Variants in TMEM135 observed in about 807,000 individuals in gnomAD.
The protein encoded by TMEM135 is transmembrane protein 135.
In TMEM135, 30 loss-of-function variants were observed where a neutral mutation model predicts 60.3. The observed-to-expected ratio is 0.50, with a 90% CI of 0.37 to 0.68. TMEM135 has a LOEUF of 0.68. TMEM135 is among the 30% of genes least tolerant of loss of function. TMEM135 has a pLI of 0.00. For missense variants in TMEM135, 468 were observed against 548.8 expected, an observed-to-expected ratio of 0.85 and a Z score of 1.47; for synonymous variants, 190 against 186.7, an observed-to-expected ratio of 1.02 and a Z score of -0.14.
intron 6 of TMEM135, among the ~76,000 whole-genome samples, chr11:87,264,840 G>T (rs140391265): frequency 4.1e-5 from 6 of 147,100 alleles, no homozygotes; most frequent in African/African-American, 1.5e-4. Context: ...ATTTTGTTGA[G>T]AAATAATTGA....
intron 5 of TMEM135, among the ~76,000 whole-genome samples, chr11:87,195,301 CTCTT>C (rs1220735518): frequency 2.7e-5 from 4 of 150,638 alleles, no homozygotes; most frequent in African/African-American, 7.3e-5. Flanking sequence ...AAGTCATTTT[CTCTT>C]TCTTTCTCTT....
At chr11:87,257,501 C>T (rs1269948772) in intron 6 of TMEM135, among the ~76,000 whole-genome samples, 2 of 152,138 alleles carry the variant, frequency 1.3e-5, no homozygotes, top group African/African-American at 4.8e-5. Flanking sequence ...CTCTTTGTGC[C>T]TCACATTTCT....
intron 4 of TMEM135, among the ~76,000 whole-genome samples, chr11:87,143,211 C>A (rs566093361): frequency 8.2e-4 from 125 of 152,132 alleles, no homozygotes; most frequent in African/African-American, 2.9e-3. Context: ...ATTTATCCAT[C>A]TATTAAATAA....
intron 5 of TMEM135, among the ~76,000 whole-genome samples, chr11:87,195,699 T>C (rs772222849): frequency 6.6e-6 from 1 of 152,170 alleles, no homozygotes; most frequent in Non-Finnish European, 1.5e-5. Flanking sequence ...CATGAGCCAC[T>C]GTGCCCAGAC....
intron 5 of TMEM135, among the ~76,000 whole-genome samples, chr11:87,176,687 G>A (rs1222786379): frequency 2.6e-5 from 4 of 152,156 alleles, no homozygotes; most frequent in Non-Finnish European, 4.4e-5. Flanking sequence ...AAGAGTTGAA[G>A]GAATTTGATA....
chr11:87,270,041 C>T (rs1174163388), intron 6 of TMEM135, among the ~76,000 whole-genome samples: 1 of 133,028 alleles, frequency 7.5e-6, no homozygotes, highest in African/African-American at 2.6e-5. Context: ...GCCATTCTAA[C>T]TGGTGTGAGA....
At chr11:87,152,645 G>A (rs1467975822) in intron 4 of TMEM135, among the ~76,000 whole-genome samples, 1 of 151,610 alleles carries the variant, frequency 6.6e-6, no homozygotes, top group African/African-American at 2.4e-5. Flanking sequence ...CGCCATGTCG[G>A]TCAGGCTGGT....
intron 4 of TMEM135, among the ~76,000 whole-genome samples, chr11:87,151,060 G>C (rs958331917): frequency 6.6e-6 from 1 of 151,962 alleles, no homozygotes; most frequent in African/African-American, 2.4e-5. Context: ...CTGTTGAGTA[G>C]TCCCGGGTTG....
At chr11:87,057,975 C>T (rs2135124015) in intron 1 of TMEM135, among the ~76,000 whole-genome samples, 1 of 152,280 alleles carries the variant, frequency 6.6e-6, no homozygotes, top group African/African-American at 2.4e-5. Flanking sequence ...GTGTAAGTTC[C>T]AGTCTGGAAG....
At chr11:87,114,699 A>T (rs1211280507) in intron 4 of TMEM135, among the ~76,000 whole-genome samples, 1 of 152,188 alleles carries the variant, frequency 6.6e-6, no homozygotes, top group Non-Finnish European at 1.5e-5. Flanking sequence ...GGAAAAATGG[A>T]CTACATTATA....
Position 87,327,469 on chromosome 11 carries a change from A to G in TMEM135, c.*6136A>G, listed in dbSNP as rs1319264838. ...TTGAGAAAATAAACCTCTATTTCTTAAAGTTCTGTATCAGTCAGGGTTTCC... is the reference window on the plus strand; with the variant it reads ...TTGAGAAAATAAACCTCTATTTCTTGAAGTTCTGTATCAGTCAGGGTTTCC... On this transcript the variant is annotated 3_prime_UTR_variant, in exon 15 of 15. Transcript: ENST00000305494. The G allele has an allele frequency of 1.5e-5, 7 of 454,002 alleles. No homozygotes were observed. Among genetic ancestry groups the G allele is most frequent in the Admixed American group, 2.4e-5 (1 of 42,544 alleles). The allele number at this position is 454,002 out of a possible 1,614,324, so 28.1% of individuals were successfully genotyped here. A position where few individuals can be genotyped will look rare whatever the true frequency, so the allele number is the denominator to read the frequency against.
intron 4 of TMEM135, among the ~76,000 whole-genome samples, chr11:87,128,192 A>T (rs1937791356): frequency 6.6e-6 from 1 of 152,204 alleles, no homozygotes; most frequent in African/African-American, 2.4e-5. Flanking sequence ...GGAAAACAAA[A>T]CTACAGCCCT....
chr11:87,128,384 C>CT (rs993168731), intron 4 of TMEM135, among the ~76,000 whole-genome samples: 1 of 152,026 alleles, frequency 6.6e-6, no homozygotes, highest in East Asian at 1.9e-4. Flanking sequence ...TCTGCGTGTT[C>CT]TTTTTTTTCT....
intron 5 of TMEM135, among the ~76,000 whole-genome samples, chr11:87,191,987 C>CT (rs200969171): frequency 0.037 from 2,840 of 77,114 alleles, 256 homozygotes; most frequent in African/African-American, 0.12. Context: ...CTTTTCTTTT[C>CT]TTTTTTTTTT....
At position 87,246,869 on chromosome 11, in the gene TMEM135, G is replaced by A. The variant is rs564932615; in HGVS notation, c.509+10185G>A. On this transcript the variant is annotated intron_variant, in intron 6 of 14. Transcript: ENST00000305494. ...TCTCAACTCGTCAAAGTCATTCTCCGTCCAACGTTGTTCCATTGCTGGTGA... is the reference window on the plus strand; with the variant it reads ...TCTCAACTCGTCAAAGTCATTCTCCATCCAACGTTGTTCCATTGCTGGTGA... Among the ~76,000 whole-genome samples the A allele has an allele frequency of 3.2e-5, 4 of 126,164 alleles. No homozygotes were observed. In the South Asian group the frequency reaches 8.2e-4, roughly 26 times the overall value. 82.8% of individuals were successfully genotyped at this position (126,164 alleles called of 152,430 possible). A position where few individuals can be genotyped will look rare whatever the true frequency, so the allele number is the denominator to read the frequency against.
chr11:87,115,116 G>A (rs1298671397), intron 4 of TMEM135, among the ~76,000 whole-genome samples: 1 of 152,090 alleles, frequency 6.6e-6, no homozygotes, highest in Non-Finnish European at 1.5e-5. Flanking sequence ...ATAGTATAAT[G>A]TATAGTGTAG....
At chr11:87,246,690 C>T (rs376384845) in intron 6 of TMEM135, among the ~76,000 whole-genome samples, 3,431 of 144,252 alleles carry the variant, frequency 0.024, 120 homozygotes, top group East Asian at 0.1. Flanking sequence ...CGAGCCTTGG[C>T]TTTCAGCTCC....
intron 3 of TMEM135, among the ~76,000 whole-genome samples, chr11:87,084,223 C>T (rs991133946): frequency 6.6e-6 from 1 of 152,098 alleles, no homozygotes; most frequent in Non-Finnish European, 1.5e-5. Context: ...ACTTTTTAAT[C>T]TACTAAGATG....
intron 5 of TMEM135, among the ~76,000 whole-genome samples, chr11:87,169,238 G>T (rs1248876362): frequency 6.8e-6 from 1 of 147,724 alleles, no homozygotes; most frequent in East Asian, 2.0e-4. Context: ...ACACTGATGG[G>T]TCTTGACTCT....
Sources: allele counts gnomAD v4.1 joint callset (sites outside exome capture counted in the v4.1 genomes callset), GRCh38; gene constraint gnomAD v4.1.1; transcripts MANE v1.5; gene names NCBI Gene and HGNC (gene_info 2026-07-23, HGNC 2026-07-21).